Variants in BTLA observed in about 807,000 individuals in gnomAD.
The protein encoded by BTLA is B- and T-lymphocyte attenuator.
A neutral mutation model predicts 25.0 loss-of-function variants in BTLA; 11 were observed. That is an observed-to-expected ratio of 0.44 (90% CI 0.28 to 0.73). The LOEUF (loss-of-function observed/expected upper bound fraction) is 0.73, where lower values mean the gene tolerates loss of function less well. Ranked by LOEUF, BTLA falls within the 30% of genes least tolerant of loss-of-function variation. BTLA has a pLI of 0.15. For synonymous variants in BTLA, 104 were observed against 119.8 expected, an observed-to-expected ratio of 0.87 and a Z score of 0.86; for missense variants, 282 against 332.8, an observed-to-expected ratio of 0.85 and a Z score of 1.19.
At chr3:112,488,038 A>T (rs2082357925) in intron 1 of BTLA, among the ~76,000 whole-genome samples, 1 of 152,044 alleles carries the variant, frequency 6.6e-6, no homozygotes, top group Admixed American at 6.6e-5. Context: ...CATGAAGTTC[A>T]ATTGATTCAG....
intron 4 of BTLA, 117 bp from the exon 5 acceptor site, chr3:112,466,500 T>A: frequency 1.1e-6 from 1 of 941,662 alleles, no homozygotes. Context: ...AGAAATAATC[T>A]ACTGTTCCTC....
intron 2 of BTLA, among the ~76,000 whole-genome samples, chr3:112,474,688 G>C (rs1173602768): frequency 6.6e-6 from 1 of 152,146 alleles, no homozygotes. Flanking sequence ...ATCATGAAAA[G>C]CTTCCTTAAG....
chr3:112,472,416 G>A (rs2082267661), intron 2 of BTLA, among the ~76,000 whole-genome samples: 1 of 151,980 alleles, frequency 6.6e-6, no homozygotes, highest in South Asian at 2.1e-4. Context: ...ATATTCTAAG[G>A]TCTGGCCTGG....
chr3:112,489,165 T>G (rs2082366166), intron 1 of BTLA, among the ~76,000 whole-genome samples: 1 of 152,130 alleles, frequency 6.6e-6, no homozygotes. Flanking sequence ...AAGGCCTGAT[T>G]TATGTCCACT....
intron 2 of BTLA, among the ~76,000 whole-genome samples, chr3:112,479,138 A>G (rs2107320371): frequency 6.6e-6 from 1 of 152,304 alleles, no homozygotes; most frequent in South Asian, 2.1e-4. Context: ...ATTCGCAACT[A>G]TAGGTATTCA....
At position 112,499,381 on chromosome 3, in the gene BTLA, A is replaced by G. The variant is rs556460865; in HGVS notation, c.-23T>C. On this transcript the variant is annotated 5_prime_UTR_variant, in exon 1 of 5. Transcript: ENST00000334529. Reference sequence around the variant, plus strand: ...CATTTCCTGCACATATCAGTGATGGAAAAACTGCTCAAGTAGAAGGCTTTG... The same window carrying G: ...CATTTCCTGCACATATCAGTGATGGGAAAACTGCTCAAGTAGAAGGCTTTG... 6.2e-7 allele frequency: 1 copy of G among 1,609,040 alleles called. No individual in the cohort carries two copies. Among genetic ancestry groups the G allele is most frequent in the African/African-American group, 1.3e-5 (1 of 74,880 alleles).
chr3:112,479,780 A>G lies in BTLA; in HGVS notation c.89-11T>C, dbSNP rs541074691. ...CACATGATTCTTTCCCTAAAAGATA[A>G]AAACAAAACTAAAATCAAATATGTT... is the stretch of plus-strand genomic sequence containing the variant. On this transcript the variant is annotated splice_polypyrimidine_tract_variant and intron_variant, in intron 1 of 4. Transcript: ENST00000334529. The G allele has an allele frequency of 2.4e-5, 38 of 1,556,772 alleles. 1 individual carries two copies. In the South Asian group the frequency reaches 4.4e-4, roughly 18 times the overall value.
rs1432964621 is a variant in BTLA, at chr3:112,465,997, CTAAAG to C, written c.*106_*110del. The stretch of plus-strand genomic sequence containing the variant: ...GACCCAAGCACTAACATGAACATTT[CTAAAG>C]TAAAAATTCTCAAATTGAGAAATAT... On this transcript the variant is annotated 3_prime_UTR_variant, in exon 5 of 5. Transcript: ENST00000334529. 4 of 1,261,336 alleles carry C rather than the reference CTAAAG, an allele frequency of 3.2e-6. No individual in the cohort carries two copies. The highest frequency in any genetic ancestry group is 4.3e-6 in the Non-Finnish European group (4 of 921,366). The allele number at this position is 1,261,336 out of a possible 1,614,324, so 78.1% of individuals were successfully genotyped here.
chr3:112,464,236 C>T lies in BTLA; in HGVS notation c.*1872G>A, dbSNP rs1052544247. 2 of 397,330 alleles carry T rather than the reference C, an allele frequency of 5.0e-6. No homozygotes were observed. Among genetic ancestry groups the T allele is most frequent in the Non-Finnish European group, 8.9e-6 (2 of 225,328 alleles). The allele number at this position is 397,330 out of a possible 1,614,324, so 24.6% of individuals were successfully genotyped here. On this transcript the variant is annotated 3_prime_UTR_variant, in exon 5 of 5. Transcript: ENST00000334529. ...TATTAATACATCTTAGAGATGAAAT[C>T]ATTATCAGCATTATCTTTACTATAA...
intron 1 of BTLA, 45 bp downstream of exon 1, chr3:112,499,226 C>T (rs1322770270): frequency 1.5e-6 from 2 of 1,366,332 alleles, no homozygotes; most frequent in Non-Finnish European, 1.0e-6. Context: ...GCCTCCAAGA[C>T]CCCCTGAGAA....
chr3:112,472,024 G>T (rs1272291058), intron 2 of BTLA, among the ~76,000 whole-genome samples: 1 of 152,184 alleles, frequency 6.6e-6, no homozygotes, highest in Non-Finnish European at 1.5e-5. Flanking sequence ...AAATGAAACA[G>T]AAGAGGATAG....
rs2082427954 is a variant in BTLA at position 112,499,205 on chromosome 3, G to A, written c.88+66C>T. On this transcript the variant is annotated intron_variant, in intron 1 of 4. Coordinates refer to ENST00000334529, the MANE Select transcript of BTLA (RefSeq NM_181780.4). The stretch of plus-strand genomic sequence containing the variant: ...CGTTACACCGTACTAAGTTCAGCAA[G>A]GGAGAATGTTGCCTCCAAGACCCCC... 15 of 1,138,560 alleles carry A rather than the reference G, an allele frequency of 1.3e-5. No homozygotes were observed. The South Asian group carries it at 1.8e-4, about 13-fold the overall frequency. The allele number at this position is 1,138,560 out of a possible 1,614,324, so 70.5% of individuals were successfully genotyped here.
intron 2 of BTLA, among the ~76,000 whole-genome samples, chr3:112,472,898 C>T (rs1487717102): frequency 6.6e-6 from 1 of 151,920 alleles, no homozygotes. Flanking sequence ...GTGCCAGAAA[C>T]AGCTGCCTGG....
intron 4 of BTLA, among the ~76,000 whole-genome samples, chr3:112,466,980 A>T (rs2082231948): frequency 1.4e-5 from 2 of 144,650 alleles, no homozygotes; most frequent in South Asian, 4.3e-4. Context: ...TTTTTTTGAG[A>T]CGGAGTCTTG....
At chr3:112,495,270 C>G (rs1254711268) in intron 1 of BTLA, among the ~76,000 whole-genome samples, 8 of 152,168 alleles carry the variant, frequency 5.3e-5, no homozygotes, top group African/African-American at 1.9e-4. Flanking sequence ...GCCACTATAC[C>G]ACACAGCTTC....
At chr3:112,484,358 T>C (rs1372773376) in intron 1 of BTLA, among the ~76,000 whole-genome samples, 1 of 152,234 alleles carries the variant, frequency 6.6e-6, no homozygotes, top group African/African-American at 2.4e-5. Context: ...CGGAAATAGC[T>C]ACAAATGAGA....
intron 1 of BTLA, among the ~76,000 whole-genome samples, chr3:112,492,733 A>G (rs1241271518): frequency 2.6e-5 from 4 of 152,174 alleles, no homozygotes; most frequent in African/African-American, 7.2e-5. Context: ...ATCTTCTAAT[A>G]TTATAGAGGA....
At chr3:112,487,070 C>T (rs2082352026) in intron 1 of BTLA, among the ~76,000 whole-genome samples, 1 of 152,126 alleles carries the variant, frequency 6.6e-6, no homozygotes, top group Non-Finnish European at 1.5e-5. Context: ...TGGTATATGT[C>T]CAAGGCCAGC....
intron 2 of BTLA, among the ~76,000 whole-genome samples, chr3:112,476,326 G>C (rs1202598089): frequency 1.3e-5 from 2 of 152,198 alleles, no homozygotes; most frequent in Non-Finnish European, 2.9e-5. Context: ...TGGTGCTGCT[G>C]TAAGAAATTT....
Sources: gnomAD v4.1 joint callset for allele counts (sites outside exome capture counted in the v4.1 genomes callset) on GRCh38, gnomAD v4.1.1 for gene constraint, MANE v1.5 for transcripts, NCBI Gene and HGNC (gene_info 2026-07-23, HGNC 2026-07-21) for gene names.